Variants in ABCB10 observed in about 807,000 individuals in gnomAD.
ABCB10 encodes the protein ATP-binding cassette sub-family B member 10, mitochondrial.
A neutral mutation model predicts 65.4 loss-of-function variants in ABCB10; 54 were observed. That is an observed-to-expected ratio of 0.83 (90% CI 0.66 to 1.04). The LOEUF is 1.04. ABCB10 is among the 50% of genes least tolerant of loss of function. ABCB10 has a pLI of 0.00. For synonymous variants in ABCB10, 418 were observed against 406.5 expected (o/e 1.03, Z -0.34); for missense variants, 846 against 976.6 (o/e 0.87, Z 1.78).
intron 2 of ABCB10, 144 bp from the exon 3 acceptor site, chr1:229,547,845 T>C (rs60518614): frequency 1.4e-6 from 1 of 722,584 alleles, no homozygotes; most frequent in Non-Finnish European, 2.4e-6. Flanking sequence ...CTGCACTGTA[T>C]CCCATGGGTG....
At chr1:229,546,909 T>C (rs1662981321) in intron 3 of ABCB10, among the ~76,000 whole-genome samples, 1 of 151,982 alleles carries the variant, frequency 6.6e-6, no homozygotes, top group Non-Finnish European at 1.5e-5. Context: ...AAAAAAAAAT[T>C]AATCTCATTG....
chr1:229,521,450 GA>G (rs1662312309), intron 11 of ABCB10, 141 bp downstream of exon 11: 2 of 899,728 alleles, frequency 2.2e-6, no homozygotes, highest in Non-Finnish European at 1.7e-6. Context: ...CCTTTCACCA[GA>G]ACTGTCACCC....
At chr1:229,558,066 C>A in intron 1 of ABCB10, 70 bp downstream of exon 1, 1 of 1,262,930 alleles carries the variant, frequency 7.9e-7, no homozygotes, top group East Asian at 3.3e-5. Flanking sequence ...GTGTCCCTCT[C>A]GGCGCCCCGG....
At chr1:229,551,878 G>A (rs1369400583) in intron 1 of ABCB10, among the ~76,000 whole-genome samples, 3 of 152,110 alleles carry the variant, frequency 2.0e-5, no homozygotes, top group Admixed American at 6.5e-5. Context: ...CTGTTCTTTC[G>A]CCTCAGTGAA....
At position 229,517,905 on chromosome 1, in the gene ABCB10, A is replaced by T. The variant is rs565877095; in HGVS notation, c.*274T>A. 16 of 329,074 alleles carry T rather than the reference A, an allele frequency of 4.9e-5. No individual in the cohort carries two copies. The highest frequency in any genetic ancestry group is 3.0e-4 in the African/African-American group (14 of 46,290). The allele number at this position is 329,074 out of a possible 1,614,324, so 20.4% of individuals were successfully genotyped here. A position where few individuals can be genotyped will look rare whatever the true frequency, so the allele number is the denominator to read the frequency against. ...GCAAAAGAAAATGAGGTGCCATGCT[A>T]TATTAATTAAAATATTCCACAAGAA... On this transcript the variant is annotated 3_prime_UTR_variant, in exon 13 of 13. Transcript: ENST00000344517.
In ABCB10 at chr1:229,518,088, A is replaced by G. The variant is rs1662215961; in HGVS notation, c.*91T>C. Reference sequence around the variant, plus strand: ...ATAGGTATTTTTCAAATAACTTGATATATGGTTTATGTATTTCATAGTCTC... The same window carrying G: ...ATAGGTATTTTTCAAATAACTTGATGTATGGTTTATGTATTTCATAGTCTC... On this transcript the variant is annotated 3_prime_UTR_variant, in exon 13 of 13. Coordinates refer to ENST00000344517, the MANE Select transcript of ABCB10 (RefSeq NM_012089.3). 4 of 912,400 alleles carry G rather than the reference A, an allele frequency of 4.4e-6. No individual in the cohort carries two copies. 56.5% of individuals were successfully genotyped at this position (912,400 alleles called of 1,614,324 possible). A position where few individuals can be genotyped will look rare whatever the true frequency, so the allele number is the denominator to read the frequency against.
intron 1 of ABCB10, among the ~76,000 whole-genome samples, chr1:229,551,309 C>T (rs1380736000): frequency 6.6e-6 from 1 of 152,194 alleles, no homozygotes; most frequent in African/African-American, 2.4e-5. Context: ...ACCCACCTCA[C>T]TCCCTCTCCA....
chr1:229,517,975 T>A lies in ABCB10; in HGVS notation c.*204A>T. On this transcript the variant is annotated 3_prime_UTR_variant, in exon 13 of 13. Transcript: ENST00000344517. ...AAATAACTTCAGTGCTATAGACATT[T>A]AAAAAGTTACAATTATTAAAACTCT... 1 of 562,224 alleles carries A rather than the reference T, an allele frequency of 1.8e-6. No individual in the cohort carries two copies. Among genetic ancestry groups the A allele is most frequent in the Middle Eastern group, 4.7e-4 (1 of 2,136 alleles). The allele number at this position is 562,224 out of a possible 1,614,324, so 34.8% of individuals were successfully genotyped here. A position where few individuals can be genotyped will look rare whatever the true frequency, so the allele number is the denominator to read the frequency against.
chr1:229,537,421 G>T lies in ABCB10; in HGVS notation c.1339+2035C>A, dbSNP rs573688198. Among the ~76,000 whole-genome samples the T allele has an allele frequency of 3.9e-5, 6 of 152,316 alleles. No homozygotes were observed. The South Asian group carries it at 1.0e-3, about 26-fold the overall frequency. ...AAATTCTTATTTAATAAATAAAATAGAATTTCTTGCTTTGTAGATTATAGA... is the reference window on the plus strand; with the variant it reads ...AAATTCTTATTTAATAAATAAAATATAATTTCTTGCTTTGTAGATTATAGA... On this transcript the variant is annotated intron_variant, in intron 6 of 12. Coordinates refer to ENST00000344517, the MANE Select transcript of ABCB10 (RefSeq NM_012089.3).
rs766297083 is a variant in ABCB10, at chr1:229,558,638, A to AG, written c.14dup (p.Ala6CysfsTer162). 3.9e-5 allele frequency: 53 copies of AG among 1,374,764 alleles called. No individual in the cohort carries two copies. The South Asian group carries it at 7.2e-4, about 19-fold the overall frequency. The allele number at this position is 1,374,764 out of a possible 1,614,324, so 85.2% of individuals were successfully genotyped here. On this transcript the variant is annotated frameshift_variant, in exon 1 of 13. Transcript: ENST00000344517. LOFTEE classifies it high-confidence loss of function. ...GCTCGAGCAGCCGCAGCGGCCAGGC[A>AG]GGGGGGCCTCGCATGGCGCTGCGTG...
In ABCB10 at chr1:229,540,739, C is replaced by T. The variant is rs751369540; in HGVS notation, c.1070G>A (p.Arg357His). 1.2e-5 allele frequency: 19 copies of T among 1,612,722 alleles called. No homozygotes were observed. The highest frequency in any genetic ancestry group is 1.7e-4 in the Middle Eastern group (1 of 5,980). The change falls in exon 5 of 13, where the codon CGT becomes CAT. Residue 357 changes from arginine to histidine, a missense_variant. By Grantham distance (29) the Arg-to-His change is conservative (BLOSUM62 0). This residue lies in a region of ABCB10 where 632 missense variants were observed against 803.2 expected (regional missense o/e 0.79). Transcript: ENST00000344517. The part of the protein sequence containing the change: ...LAQATQLAEE[R>H]IGNVRTVRAF... ...TCGAACAGTTCTTACATTTCCAATA[C>T]GTTCCTCAGCTAGCTGGGAGAATAA...
At chr1:229,519,649 C>T (rs1410369673) in intron 11 of ABCB10, among the ~76,000 whole-genome samples, 1 of 152,228 alleles carries the variant, frequency 6.6e-6, no homozygotes, top group East Asian at 1.9e-4. Flanking sequence ...AATTAGCTGG[C>T]CTGGTGGCAC....
intron 10 of ABCB10, among the ~76,000 whole-genome samples, chr1:229,523,091 G>T (rs184191040): frequency 1.6e-4 from 25 of 152,284 alleles, no homozygotes; most frequent in Admixed American, 5.9e-4. Flanking sequence ...GTGTATGTAT[G>T]ACACTGAAAA....
chr1:229,543,678 G>A (rs1459023584), intron 3 of ABCB10, among the ~76,000 whole-genome samples: 4 of 152,200 alleles, frequency 2.6e-5, no homozygotes, highest in Admixed American at 2.6e-4. Flanking sequence ...AAAAGAAAGA[G>A]AAAGTATCAC....
intron 6 of ABCB10, chr1:229,535,292 A>G (rs569008975): frequency 4.2e-4 from 64 of 152,312 alleles, no homozygotes; most frequent in African/African-American, 1.5e-3. Context: ...GGATGTTTAT[A>G]GCAGCTTTAT....
At chr1:229,537,326 G>T (rs1662743565) in intron 6 of ABCB10, among the ~76,000 whole-genome samples, 1 of 152,214 alleles carries the variant, frequency 6.6e-6, no homozygotes, top group South Asian at 2.1e-4. Flanking sequence ...CTTCATCTTA[G>T]CAGAGAATGT....
intron 6 of ABCB10, among the ~76,000 whole-genome samples, chr1:229,538,657 C>T (rs753955617): frequency 2.6e-5 from 4 of 152,116 alleles, no homozygotes; most frequent in African/African-American, 4.8e-5. Flanking sequence ...AAATCTCATT[C>T]CAGAAAAAAA....
intron 6 of ABCB10, among the ~76,000 whole-genome samples, chr1:229,532,581 G>A (rs1424759415): frequency 1.3e-5 from 2 of 148,728 alleles, no homozygotes; most frequent in Non-Finnish European, 3.0e-5. Flanking sequence ...GTAATGCTAT[G>A]TTTAAAAAAA....
At position 229,531,747 on chromosome 1, in the gene ABCB10, A is replaced by G. The variant is rs1662589900; in HGVS notation, c.1340-16T>C. On this transcript the variant is annotated splice_polypyrimidine_tract_variant and intron_variant, in intron 6 of 12. Coordinates refer to ENST00000344517, the MANE Select transcript of ABCB10 (RefSeq NM_012089.3). ...GAGCTCAGACCTGAGGATGAGAAGC[A>G]GAATCCACACACATGTCCATCACTG... is the stretch of plus-strand genomic sequence containing the variant. 5.0e-6 allele frequency: 8 copies of G among 1,610,350 alleles called. No individual in the cohort carries two copies. Among genetic ancestry groups the G allele is most frequent in the Non-Finnish European group, 6.8e-6 (8 of 1,176,706 alleles).
Sources: gnomAD v4.1 joint callset for allele counts (sites outside exome capture counted in the v4.1 genomes callset) on GRCh38, gnomAD v4.1.1 for gene constraint, gnomAD v4.1.1 regional missense constraint, MANE v1.5 for transcripts, NCBI Gene and HGNC (gene_info 2026-07-23, HGNC 2026-07-21) for gene names.